The following BRCC3 variants were observed in gnomAD, a reference collection of about 807,000 sequenced individuals.
BRCC3 encodes the protein BRCA1/BRCA2-containing complex subunit 3.
In BRCC3, 15 loss-of-function variants were observed where a neutral mutation model predicts 28.0. The ratio of observed to expected loss-of-function variants is 0.54; its 90% CI spans 0.36 to 0.82. The LOEUF (loss-of-function observed/expected upper bound fraction) is 0.82, where lower values mean the gene tolerates loss of function less well. Among genes scored for constraint, BRCC3 ranks in the 40% least tolerant of loss-of-function variants. The pLI is 0.01. For synonymous variants in BRCC3, 66 were observed against 80.3 expected (o/e 0.82, Z 0.95); for missense variants, 109 against 225.9 (o/e 0.48, Z 3.32).
intron 9 of BRCC3, among the ~76,000 whole-genome samples, chrX:155,118,130 A>G (rs1225749351): frequency 8.9e-6 from 1 of 112,532 alleles, no homozygotes; most frequent in East Asian, 2.8e-4. Context: ...ACAAATGTTT[A>G]CAGCAGCATT....
chrX:155,096,987 G>A (rs1412025913), intron 7 of BRCC3, among the ~76,000 whole-genome samples: 1 of 111,983 alleles, frequency 8.9e-6, no homozygotes, highest in African/African-American at 3.2e-5. Context: ...CTTATCACAC[G>A]TATATACAAA....
chrX:155,116,318 C>T, intron 8 of BRCC3, 130 bp downstream of exon 8: 1 of 564,893 alleles, frequency 1.8e-6, no homozygotes, highest in Non-Finnish European at 2.7e-6. Context: ...AGCTTTCTAG[C>T]AGTCTCCAAT....
intron 8 of BRCC3, 61 bp downstream of exon 8, chrX:155,116,249 C>G: frequency 9.3e-7 from 1 of 1,070,413 alleles, no homozygotes; most frequent in Non-Finnish European, 1.2e-6. Flanking sequence ...TTTTCTTCTT[C>G]TGTCCTTTTC....
chrX:155,118,872 G>A (rs2074373282), intron 9 of BRCC3, among the ~76,000 whole-genome samples: 1 of 111,067 alleles, frequency 9.0e-6, no homozygotes, highest in African/African-American at 3.3e-5. Context: ...TATAACATGG[G>A]GTATACATTT....
intron 5 of BRCC3, 76 bp downstream of exon 5, chrX:155,078,779 TG>T: frequency 1.3e-6 from 1 of 772,547 alleles, no homozygotes; most frequent in Non-Finnish European, 1.8e-6. Context: ...ACATAGGGTA[TG>T]GTTATTTTAA....
intron 7 of BRCC3, among the ~76,000 whole-genome samples, chrX:155,100,073 A>T (rs2074237608): frequency 8.9e-6 from 1 of 111,972 alleles, no homozygotes; most frequent in Non-Finnish European, 1.9e-5. Flanking sequence ...TTGTAAGAAT[A>T]GTATTAAGGA....
At position 155,073,437 on chromosome X, in the gene BRCC3, T is replaced by C. The variant is rs933886741; in HGVS notation, c.195+6T>C. The C allele has an allele frequency of 3.8e-5, 44 of 1,164,843 alleles. No individual in the cohort carries two copies. Among genetic ancestry groups the C allele is most frequent in the Admixed American group, 1.6e-4 (6 of 38,476 alleles). On this transcript the variant is annotated splice_donor_region_variant and intron_variant, in intron 3 of 10. Coordinates refer to ENST00000330045, the MANE Select transcript of BRCC3 (RefSeq NM_001018055.3). ...TGCGCACAGTTGCTGAAAAGGTATGTGTGCTAAAATTTTGCATGATGGAAA... is the reference window on the plus strand; with the variant it reads ...TGCGCACAGTTGCTGAAAAGGTATGCGTGCTAAAATTTTGCATGATGGAAA...
chrX:155,089,153 G>A (rs782774669), intron 5 of BRCC3, 110 bp from the exon 6 acceptor site: 1 of 507,163 alleles, frequency 2.0e-6, no homozygotes, highest in Non-Finnish European at 3.3e-6. Context: ...TGAATCCTAG[G>A]AAGATTATAT....
intron 7 of BRCC3, among the ~76,000 whole-genome samples, chrX:155,095,149 A>C (rs1557296100): frequency 8.9e-6 from 1 of 112,121 alleles, no homozygotes; most frequent in Admixed American, 9.4e-5. Flanking sequence ...GTTGATTCTT[A>C]TAGAATAAGA....
chrX:155,079,202 T>TAATA (rs1264516114), intron 5 of BRCC3, among the ~76,000 whole-genome samples: 1 of 111,839 alleles, frequency 8.9e-6, no homozygotes, highest in Non-Finnish European at 1.9e-5. Flanking sequence ...GAGAGTGAAC[T>TAATA]AATATTCATG....
Position 155,115,879 on chromosome X carries a change from C to T in BRCC3, c.549-178C>T, listed in dbSNP as rs191941957. On this transcript the variant is annotated intron_variant, in intron 7 of 10. Transcript: ENST00000330045. ...GCTCTGCAGACGGGCTTTTAGTTTGCTCTCCAGACGAACCCAGTTTGAACT... is the reference window on the plus strand; with the variant it reads ...GCTCTGCAGACGGGCTTTTAGTTTGTTCTCCAGACGAACCCAGTTTGAACT... Among the ~76,000 whole-genome samples the T allele has an allele frequency of 6.2e-5, 7 of 112,333 alleles. No individual in the cohort carries two copies. The East Asian group carries it at 2.0e-3, about 31-fold the overall frequency.
chrX:155,081,331 C>CAA (rs1313952481), intron 5 of BRCC3, among the ~76,000 whole-genome samples: 8 of 40,904 alleles, frequency 2.0e-4, no homozygotes, highest in African/African-American at 7.3e-4. Flanking sequence ...GATTCTGTCT[C>CAA]AAAAAAAAAA....
chrX:155,116,696 T>C lies in BRCC3; in HGVS notation c.681-15T>C. ...GTGCTGCTTTGCCACTAACCTAAAC[T>C]ATTTTATTCTTTAGCCTTACACATC... On this transcript the variant is annotated splice_polypyrimidine_tract_variant and intron_variant, in intron 8 of 10. Coordinates refer to ENST00000330045, the MANE Select transcript of BRCC3 (RefSeq NM_001018055.3). 8.6e-7 allele frequency: 1 copy of C among 1,158,466 alleles called. No individual in the cohort carries two copies. The highest frequency in any genetic ancestry group is 1.9e-5 in the South Asian group (1 of 51,544).
chrX:155,116,671 G>T (rs782680658), intron 8 of BRCC3, 40 bp from the exon 9 acceptor site: 2 of 1,075,438 alleles, frequency 1.9e-6, no homozygotes, highest in African/African-American at 3.7e-5. Context: ...TTTCCCTTCA[G>T]TGCTGCTTTG....
At chrX:155,113,428 T>C (rs1389269326) in intron 7 of BRCC3, among the ~76,000 whole-genome samples, 1 of 110,585 alleles carries the variant, frequency 9.0e-6, no homozygotes, top group South Asian at 3.9e-4. Context: ...TAAATGATAC[T>C]GGGAAAACTG....
At chrX:155,104,963 G>A (rs2074269284) in intron 7 of BRCC3, among the ~76,000 whole-genome samples, 1 of 112,330 alleles carries the variant, frequency 8.9e-6, no homozygotes, top group Non-Finnish European at 1.9e-5. Flanking sequence ...CTTCAGTGTG[G>A]TTATATGATT....
chrX:155,095,105 C>T (rs2074201209), intron 7 of BRCC3, among the ~76,000 whole-genome samples: 1 of 111,440 alleles, frequency 9.0e-6, no homozygotes, highest in Non-Finnish European at 1.9e-5. Flanking sequence ...ATGAATTCCA[C>T]AGTGCTCCAA....
intron 7 of BRCC3, among the ~76,000 whole-genome samples, chrX:155,104,172 A>G (rs2074263520): frequency 9.0e-6 from 1 of 111,326 alleles, no homozygotes; most frequent in South Asian, 3.8e-4. Flanking sequence ...TTCTGGGCCA[A>G]TTCCAATTCA....
At chrX:155,076,386 CAAAAACAAAAAAACAA>C (rs374672684) in intron 3 of BRCC3, among the ~76,000 whole-genome samples, 1,525 of 106,706 alleles carry the variant, frequency 0.014, 30 homozygotes, top group African/African-American at 0.05. Context: ...GAGACTGTGT[CAAAAACAAAAAAACAA>C]AAAAACAAAA....
Sources: allele counts gnomAD v4.1 joint callset (sites outside exome capture counted in the v4.1 genomes callset), GRCh38; gene constraint gnomAD v4.1.1; transcripts MANE v1.5; gene names NCBI Gene and HGNC (gene_info 2026-07-23, HGNC 2026-07-21).